The following DCDC1 variants were observed in gnomAD, a reference collection of about 807,000 sequenced individuals.
The protein encoded by DCDC1 is doublecortin domain containing 1.
In DCDC1, 200 loss-of-function variants were observed where a neutral mutation model predicts 178.3. The ratio of observed to expected loss-of-function variants is 1.12; its 90% CI spans 1.00 to 1.26. The LOEUF is 1.26. DCDC1 is among the 50% of genes most tolerant of loss of function. The pLI, the probability that DCDC1 is intolerant of heterozygous loss-of-function variation, is 0.00. For synonymous variants in DCDC1, 690 were observed against 604.8 expected (o/e 1.14, Z -2.07); for missense variants, 1,983 against 1,749.2 (o/e 1.13, Z -2.38).
At chr11:31,051,425 C>T (rs1467761226) in intron 20 of DCDC1, among the ~76,000 whole-genome samples, 1 of 152,144 alleles carries the variant, frequency 6.6e-6, no homozygotes, top group Non-Finnish European at 1.5e-5. Context: ...AGGAAAACTT[C>T]CCCAGCCTTG....
At chr11:31,086,047 T>C (rs1313967192) in intron 17 of DCDC1, among the ~76,000 whole-genome samples, 1 of 152,134 alleles carries the variant, frequency 6.6e-6, no homozygotes, top group African/African-American at 2.4e-5. Flanking sequence ...TGAACATTTA[T>C]ACATGAACAA....
At chr11:31,134,379 A>G (rs2135978240) in intron 10 of DCDC1, among the ~76,000 whole-genome samples, 1 of 152,350 alleles carries the variant, frequency 6.6e-6, no homozygotes, top group Non-Finnish European at 1.5e-5. Context: ...ATACTAAGGC[A>G]GGTCTATCCC....
At chr11:30,959,301 G>A (rs1347174998) in intron 20 of DCDC1, among the ~76,000 whole-genome samples, 2 of 152,128 alleles carry the variant, frequency 1.3e-5, no homozygotes, top group African/African-American at 4.8e-5. Context: ...TGTTAGAGGT[G>A]CAAGTGGATC....
chr11:31,184,973 G>A (rs1168414784), intron 9 of DCDC1, among the ~76,000 whole-genome samples: 2 of 152,072 alleles, frequency 1.3e-5, no homozygotes, highest in African/African-American at 2.4e-5. Flanking sequence ...TGTTTATTGT[G>A]GCACTATTCA....
rs1380749334 is a variant in DCDC1, at chr11:31,103,655, A to G, written c.1866T>C (p.Pro622=). ...TFLDPNAVLL[P]GCGNWEVCEG... ...ACTTGTTAATTTACTTGCCACATCC[A>G]GGTAGCAGAACAGCATTAGGATCCA... The change falls in exon 14 of 39, where the codon CCT becomes CCC. Residue 622 remains proline, a synonymous_variant. Transcript: ENST00000684477. The G allele has an allele frequency of 1.3e-6, 1 of 761,152 alleles. No individual in the cohort carries two copies. The highest frequency in any genetic ancestry group is 1.7e-5 in the Admixed American group (1 of 57,236). 47.1% of individuals were successfully genotyped at this position (761,152 alleles called of 1,614,324 possible).
intron 21 of DCDC1, among the ~76,000 whole-genome samples, chr11:30,940,601 C>A (rs899691076): frequency 2.6e-5 from 4 of 152,080 alleles, no homozygotes; most frequent in Admixed American, 2.6e-4. Flanking sequence ...CTAGACTGAA[C>A]CCCTGGAGTT....
At chr11:31,309,683 T>C (rs1024550420) in intron 3 of DCDC1, among the ~76,000 whole-genome samples, 3 of 152,192 alleles carry the variant, frequency 2.0e-5, no homozygotes, top group African/African-American at 7.2e-5. Flanking sequence ...TAAGGTGTCT[T>C]TTTTAATGAA....
At chr11:30,985,112 T>C (rs1280209247) in intron 20 of DCDC1, among the ~76,000 whole-genome samples, 1 of 152,184 alleles carries the variant, frequency 6.6e-6, no homozygotes, top group African/African-American at 2.4e-5. Flanking sequence ...AGCACAACTT[T>C]TCGATTCTGT....
chr11:30,922,666 T>C, intron 23 of DCDC1, 28 bp from the exon 24 acceptor site: 1 of 1,474,630 alleles, frequency 6.8e-7, no homozygotes, highest in South Asian at 1.5e-5. Flanking sequence ...TCTTATCCTG[T>C]ATATAATTGT....
At chr11:31,013,235 T>C (rs1170101841) in intron 20 of DCDC1, among the ~76,000 whole-genome samples, 1 of 152,248 alleles carries the variant, frequency 6.6e-6, no homozygotes, top group Non-Finnish European at 1.5e-5. Context: ...TTATTTTTAG[T>C]ATTGAAACTA....
intron 20 of DCDC1, among the ~76,000 whole-genome samples, chr11:31,011,200 A>G (rs1243996852): frequency 2.6e-5 from 4 of 152,178 alleles, no homozygotes; most frequent in Admixed American, 2.6e-4. Context: ...TCTTAAACAC[A>G]CACACAAAAG....
At chr11:30,959,405 G>A (rs2134558911) in intron 20 of DCDC1, among the ~76,000 whole-genome samples, 2 of 152,186 alleles carry the variant, frequency 1.3e-5, no homozygotes, top group Middle Eastern at 6.8e-3. Context: ...CATGTTCAGT[G>A]AAGATCTTAG....
intron 3 of DCDC1, among the ~76,000 whole-genome samples, chr11:31,322,959 C>T (rs1040831705): frequency 3.3e-5 from 5 of 152,006 alleles, no homozygotes; most frequent in South Asian, 2.1e-4. Flanking sequence ...ATTACTTTTG[C>T]TTTATTTTTA....
At chr11:30,984,259 G>C (rs1037146336) in intron 20 of DCDC1, among the ~76,000 whole-genome samples, 1 of 151,984 alleles carries the variant, frequency 6.6e-6, no homozygotes, top group African/African-American at 2.4e-5. Flanking sequence ...GTTTGGGCAC[G>C]TGTGTATACA....
intron 9 of DCDC1, among the ~76,000 whole-genome samples, chr11:31,175,069 C>T (rs921998769): frequency 2.6e-5 from 4 of 152,212 alleles, no homozygotes; most frequent in Non-Finnish European, 5.9e-5. Flanking sequence ...AGCTGAGGCC[C>T]TTCAAGGAGC....
intron 9 of DCDC1, among the ~76,000 whole-genome samples, chr11:31,146,073 C>CT (rs35032604): frequency 0.22 from 30,672 of 136,778 alleles, 3,526 homozygotes; most frequent in East Asian, 0.28. Flanking sequence ...TTAATCCAGT[C>CT]TTTTTTTTTT....
At chr11:31,138,367 A>G (rs974204374) in intron 9 of DCDC1, among the ~76,000 whole-genome samples, 4 of 152,220 alleles carry the variant, frequency 2.6e-5, no homozygotes, top group African/African-American at 9.6e-5. Flanking sequence ...AAAAAAATGA[A>G]TGTGGCCCAT....
intron 9 of DCDC1, among the ~76,000 whole-genome samples, chr11:31,187,039 T>C (rs954281047): frequency 5.9e-5 from 9 of 152,178 alleles, no homozygotes; most frequent in African/African-American, 2.2e-4. Flanking sequence ...AGTGACACTA[T>C]TTTCATTCAC....
chr11:30,864,958 T>A lies in DCDC1; in HGVS notation c.*415A>T, dbSNP rs1940855936. The A allele has an allele frequency of 6.6e-6, 1 of 151,650 alleles. No individual in the cohort carries two copies. Among genetic ancestry groups the A allele is most frequent in the Non-Finnish European group, 1.5e-5 (1 of 67,974 alleles). 9.4% of individuals were successfully genotyped at this position (151,650 alleles called of 1,614,324 possible). A position where few individuals can be genotyped will look rare whatever the true frequency, so the allele number is the denominator to read the frequency against. On this transcript the variant is annotated 3_prime_UTR_variant, in exon 39 of 39. Transcript: ENST00000684477. ...ACTGAGTTATTTTGAAGGATAAATT[T>A]ATTTTTTATTTTTTATTTTTTGCAG...
Sources: allele counts gnomAD v4.1 joint callset (sites outside exome capture counted in the v4.1 genomes callset), GRCh38; gene constraint gnomAD v4.1.1; transcripts MANE v1.5; gene names NCBI Gene and HGNC (gene_info 2026-07-23, HGNC 2026-07-21).